VEZT: variants seen among roughly 807,000 people sequenced by gnomAD.
VEZT encodes vezatin, adherens junctions transmembrane protein, also known as vezatin.
VEZT carries 39 observed loss-of-function variants against 79.9 expected under a neutral mutation model. The ratio of observed to expected loss-of-function variants is 0.49; its 90% CI spans 0.38 to 0.64. The LOEUF (loss-of-function observed/expected upper bound fraction) is 0.64, where lower values mean the gene tolerates loss of function less well. Among genes scored for constraint, VEZT ranks in the 30% least tolerant of loss-of-function variants. VEZT has a pLI of 0.00. For missense variants in VEZT, 837 were observed against 893.1 expected, an observed-to-expected ratio of 0.94 and a Z score of 0.80; for synonymous variants, 325 against 327.6, an observed-to-expected ratio of 0.99 and a Z score of 0.09.
At chr12:95,245,568 G>C (rs1237725638) in intron 1 of VEZT, 1 of 456,670 alleles carries the variant, frequency 2.2e-6, no homozygotes, top group South Asian at 1.5e-5. Flanking sequence ...ATTTATTATT[G>C]AATCAGTTGC....
In VEZT at chr12:95,274,739, A is replaced by G. The variant is rs753951645; in HGVS notation, c.849-3A>G. 4 of 1,608,690 alleles carry G rather than the reference A, an allele frequency of 2.5e-6. No individual in the cohort carries two copies. Among genetic ancestry groups the G allele is most frequent in the Non-Finnish European group, 3.4e-6 (4 of 1,178,172 alleles). On this transcript the variant is annotated splice_region_variant and splice_polypyrimidine_tract_variant and intron_variant, in intron 6 of 11. Transcript: ENST00000436874. ...TTTGTTGATTGCCTTAACCTAATTTAACCTACCCCCTGAACTCTGAGAGTG... is the reference window on the plus strand; with the variant it reads ...TTTGTTGATTGCCTTAACCTAATTTGACCTACCCCCTGAACTCTGAGAGTG...
chr12:95,259,340 A>C (rs1006459810), intron 3 of VEZT, among the ~76,000 whole-genome samples: 23 of 152,148 alleles, frequency 1.5e-4, no homozygotes, highest in Non-Finnish European at 2.4e-4. Context: ...TTTGTATTGT[A>C]ATATATCCAA....
intron 1 of VEZT, chr12:95,224,162 C>T: frequency 2.2e-6 from 1 of 456,042 alleles, no homozygotes; most frequent in Non-Finnish European, 4.4e-6. Flanking sequence ...ATTCCCTTGT[C>T]CTCTGGGTTC....
intron 9 of VEZT, 136 bp from the exon 10 acceptor site, chr12:95,294,136 C>T (rs1459853065): frequency 1.6e-5 from 10 of 617,074 alleles, no homozygotes; most frequent in Admixed American, 1.1e-4. Flanking sequence ...ATCCTCCTGC[C>T]TCAGCCTCCC....
intron 8 of VEZT, among the ~76,000 whole-genome samples, chr12:95,285,521 A>G (rs1211581271): frequency 3.3e-5 from 5 of 152,048 alleles, no homozygotes; most frequent in Non-Finnish European, 7.4e-5. Flanking sequence ...CCATCCTTCA[A>G]TGCTACCTCA....
chr12:95,218,760 C>G (rs1331019193), intron 1 of VEZT: 2 of 152,258 alleles, frequency 1.3e-5, no homozygotes, highest in African/African-American at 4.8e-5. Context: ...TATGTACAAA[C>G]TGTCATTGAA....
chr12:95,239,781 A>G (rs12369055), intron 1 of VEZT, among the ~76,000 whole-genome samples: 43,564 of 151,914 alleles, frequency 0.29, 7,158 homozygotes, highest in African/African-American at 0.46. Context: ...GTGAAACACC[A>G]TCTCTACTAA....
At chr12:95,219,164 G>A (rs2136370464) in intron 1 of VEZT, among the ~76,000 whole-genome samples, 1 of 152,322 alleles carries the variant, frequency 6.6e-6, no homozygotes, top group South Asian at 2.1e-4. Context: ...GATTGAATGT[G>A]GTAGCTGAAG....
At chr12:95,231,115 A>T (rs142995778) in intron 1 of VEZT, among the ~76,000 whole-genome samples, 42 of 152,358 alleles carry the variant, frequency 2.8e-4, no homozygotes, top group African/African-American at 9.9e-4. Flanking sequence ...TACATCTCAT[A>T]TCAGAATCAT....
chr12:95,243,398 C>CTCAGCTTCAGCT (rs141078164), intron 1 of VEZT, among the ~76,000 whole-genome samples: 1 of 150,088 alleles, frequency 6.7e-6, no homozygotes, highest in Non-Finnish European at 1.5e-5. Context: ...TTACCCATCA[C>CTCAGCTTCAGCT]TCAGCTTCAG....
chr12:95,239,938 G>T (rs1017186032), intron 1 of VEZT, among the ~76,000 whole-genome samples: 4 of 119,852 alleles, frequency 3.3e-5, no homozygotes, highest in Non-Finnish European at 4.9e-5. Context: ...AGCAACAGAG[G>T]GAGACTCGAA....
chr12:95,291,282 A>G (rs892225806), intron 9 of VEZT, among the ~76,000 whole-genome samples: 5 of 152,182 alleles, frequency 3.3e-5, no homozygotes, highest in Admixed American at 2.6e-4. Flanking sequence ...ATTATTTTAA[A>G]ACGCTTCATA....
intron 6 of VEZT, among the ~76,000 whole-genome samples, chr12:95,270,913 G>C (rs952908845): frequency 2.6e-5 from 4 of 152,186 alleles, no homozygotes; most frequent in Non-Finnish European, 5.9e-5. Context: ...GTTAAATCCT[G>C]ACTAAGTAGA....
At chr12:95,276,259 C>CTTTTTTTTTTTTTT (rs35034660) in intron 7 of VEZT, among the ~76,000 whole-genome samples, 117 of 75,152 alleles carry the variant, frequency 1.6e-3, no homozygotes, top group East Asian at 3.0e-3. Context: ...TAATTTTTTT[C>CTTTTTTTTTTTTTT]TTTTTTTTTT....
intron 7 of VEZT, among the ~76,000 whole-genome samples, chr12:95,278,550 T>A (rs1001839266): frequency 1.1e-4 from 16 of 152,172 alleles, no homozygotes; most frequent in Non-Finnish European, 4.4e-5. Context: ...GTATCGTTAT[T>A]CAGATAAGAA....
At chr12:95,233,247 A>G (rs1283103342) in intron 1 of VEZT, among the ~76,000 whole-genome samples, 1 of 151,792 alleles carries the variant, frequency 6.6e-6, no homozygotes, top group East Asian at 1.9e-4. Flanking sequence ...CAGATAACAC[A>G]TGAATATGTT....
At chr12:95,255,968 A>C (rs974817163) in intron 2 of VEZT, among the ~76,000 whole-genome samples, 2 of 152,038 alleles carry the variant, frequency 1.3e-5, no homozygotes, top group Non-Finnish European at 2.9e-5. Flanking sequence ...CTCTTGGGTC[A>C]TAACTGTCCT....
chr12:95,220,412 C>T (rs571347846), intron 1 of VEZT, among the ~76,000 whole-genome samples: 8 of 152,222 alleles, frequency 5.3e-5, no homozygotes, highest in African/African-American at 1.7e-4. Context: ...GCCATGATCG[C>T]ACCGCTGTAC....
intron 2 of VEZT, among the ~76,000 whole-genome samples, chr12:95,256,098 C>T (rs1057512464): frequency 6.6e-6 from 1 of 152,090 alleles, no homozygotes; most frequent in East Asian, 1.9e-4. Flanking sequence ...GTCACCCAGG[C>T]TGGAGTGCAA....
Sources: gnomAD v4.1 joint callset for allele counts (sites outside exome capture counted in the v4.1 genomes callset) on GRCh38, gnomAD v4.1.1 for gene constraint, MANE v1.5 for transcripts, NCBI Gene and HGNC (gene_info 2026-07-23, HGNC 2026-07-21) for gene names.